LRRTM4: variants seen among roughly 807,000 people sequenced by gnomAD.
The protein encoded by LRRTM4 is leucine-rich repeat transmembrane neuronal protein 4.
LRRTM4 carries 25 observed loss-of-function variants against 47.6 expected under a neutral mutation model. That is an observed-to-expected ratio of 0.53 (90% CI 0.38 to 0.73). The LOEUF is 0.73. Among genes scored for constraint, LRRTM4 ranks in the 30% least tolerant of loss-of-function variants. The pLI is 0.00. For synonymous variants in LRRTM4, 311 were observed against 269.5 expected, an observed-to-expected ratio of 1.15 and a Z score of -1.51; for missense variants, 638 against 713.4, an observed-to-expected ratio of 0.89 and a Z score of 1.20.
intron 3 of LRRTM4, among the ~76,000 whole-genome samples, chr2:77,339,636 G>A (rs1253554118): frequency 2.6e-5 from 4 of 152,030 alleles, no homozygotes; most frequent in African/African-American, 9.7e-5. Context: ...ATAATTTCCA[G>A]AGTCTTAGTC....
At chr2:76,964,236 G>C (rs1675950896) in intron 3 of LRRTM4, among the ~76,000 whole-genome samples, 1 of 150,230 alleles carries the variant, frequency 6.7e-6, no homozygotes, top group African/African-American at 2.4e-5. Context: ...GGAGAATACT[G>C]TTAACATTTT....
chr2:76,772,927 C>T (rs559651751), intron 3 of LRRTM4: 1 of 152,220 alleles, frequency 6.6e-6, no homozygotes, highest in East Asian at 1.9e-4. Context: ...CCATATCACC[C>T]TGTATGCGCC....
intron 3 of LRRTM4, among the ~76,000 whole-genome samples, chr2:77,129,122 T>A (rs1486824685): frequency 6.6e-6 from 1 of 152,176 alleles, no homozygotes; most frequent in African/African-American, 2.4e-5. Context: ...TCCAGGCAAA[T>A]CTTTATATGA....
intron 3 of LRRTM4, among the ~76,000 whole-genome samples, chr2:76,774,286 G>A (rs111299162): frequency 9.2e-5 from 14 of 151,824 alleles, no homozygotes; most frequent in African/African-American, 2.7e-4. Context: ...CTGACTCCCC[G>A]GTTCAAGCAA....
intron 3 of LRRTM4, among the ~76,000 whole-genome samples, chr2:77,241,373 T>C (rs1011363695): frequency 5.3e-5 from 8 of 152,034 alleles, no homozygotes; most frequent in Non-Finnish European, 1.5e-5. Flanking sequence ...GTGTGCAAAA[T>C]ATCTCAATGC....
chr2:76,822,439 T>TTTTCGCTAGAATATTTTCATTTACTTATC (rs1671079367), intron 3 of LRRTM4, among the ~76,000 whole-genome samples: 1 of 151,500 alleles, frequency 6.6e-6, no homozygotes, highest in Non-Finnish European at 1.5e-5. Flanking sequence ...AAAATTTGTG[T>TTTTCGCTAGAATATTTTCATTTACTTATC]TTCCTAAAGA....
At chr2:76,933,538 T>A (rs1674842833) in intron 3 of LRRTM4, among the ~76,000 whole-genome samples, 1 of 152,136 alleles carries the variant, frequency 6.6e-6, no homozygotes, top group South Asian at 2.1e-4. Flanking sequence ...TAGAATTGTT[T>A]ACTAAAGTTA....
At chr2:76,960,401 TA>T (rs1675816858) in intron 3 of LRRTM4, among the ~76,000 whole-genome samples, 1 of 151,688 alleles carries the variant, frequency 6.6e-6, no homozygotes, top group Admixed American at 6.6e-5. Context: ...TAATTATTAC[TA>T]AAAAGACACA....
chr2:76,801,452 G>C (rs184739911), intron 3 of LRRTM4, among the ~76,000 whole-genome samples: 4 of 152,110 alleles, frequency 2.6e-5, no homozygotes, highest in African/African-American at 9.6e-5. Context: ...CTCATAGGTG[G>C]GAATTGAACA....
At chr2:77,211,433 A>G (rs1369834953) in intron 3 of LRRTM4, among the ~76,000 whole-genome samples, 3 of 152,258 alleles carry the variant, frequency 2.0e-5, no homozygotes, top group African/African-American at 7.2e-5. Flanking sequence ...GCTGGGTGAG[A>G]GAACAGAGAA....
intron 3 of LRRTM4, among the ~76,000 whole-genome samples, chr2:77,217,475 C>G (rs755104895): frequency 1.6e-3 from 55 of 33,960 alleles, no homozygotes; most frequent in Non-Finnish European, 2.5e-3. Context: ...ATATACTAAG[C>G]CTTTAATTTA....
chr2:76,992,574 A>G (rs1558783543), intron 3 of LRRTM4, among the ~76,000 whole-genome samples: 1 of 151,488 alleles, frequency 6.6e-6, no homozygotes, highest in African/African-American at 2.4e-5. Flanking sequence ...CCAAGCAGGT[A>G]AAAGATCTGC....
intron 3 of LRRTM4, among the ~76,000 whole-genome samples, chr2:76,757,516 G>A (rs891486792): frequency 6.6e-6 from 1 of 152,098 alleles, no homozygotes; most frequent in African/African-American, 2.4e-5. Context: ...GCAGTATTCA[G>A]TGAGGTTTTA....
At chr2:77,066,258 T>C (rs1679948748) in intron 3 of LRRTM4, among the ~76,000 whole-genome samples, 1 of 152,182 alleles carries the variant, frequency 6.6e-6, no homozygotes, top group Non-Finnish European at 1.5e-5. Flanking sequence ...TCTCAGTTCT[T>C]CATCTATAAA....
intron 3 of LRRTM4, among the ~76,000 whole-genome samples, chr2:76,765,610 A>G (rs1389784466): frequency 6.6e-6 from 1 of 152,184 alleles, no homozygotes; most frequent in Non-Finnish European, 1.5e-5. Context: ...CCCCATGTGT[A>G]CAAAGGAGAG....
chr2:77,080,703 C>T (rs552382725), intron 3 of LRRTM4, among the ~76,000 whole-genome samples: 44 of 152,288 alleles, frequency 2.9e-4, no homozygotes, highest in Middle Eastern at 3.4e-3. Context: ...GGTAGCTCCA[C>T]CTTTATTTTA....
intron 3 of LRRTM4, among the ~76,000 whole-genome samples, chr2:77,066,972 G>C (rs1364546743): frequency 1.3e-5 from 2 of 152,128 alleles, no homozygotes; most frequent in South Asian, 2.1e-4. Context: ...ATTCCCCATG[G>C]GGGAAGTGCC....
At chr2:76,943,012 T>C (rs1464269449) in intron 3 of LRRTM4, among the ~76,000 whole-genome samples, 1 of 152,146 alleles carries the variant, frequency 6.6e-6, no homozygotes, top group African/African-American at 2.4e-5. Flanking sequence ...AAGAGCAACA[T>C]GATTTTGAGA....
At chr2:76,974,784 G>A (rs565350199) in intron 3 of LRRTM4, among the ~76,000 whole-genome samples, 43 of 151,654 alleles carry the variant, frequency 2.8e-4, no homozygotes, top group Admixed American at 4.6e-4. Flanking sequence ...AGTCAACAAT[G>A]TACTACAAAA....
Sources: gnomAD v4.1 joint callset for allele counts (sites outside exome capture counted in the v4.1 genomes callset) on GRCh38, gnomAD v4.1.1 for gene constraint, MANE v1.5 for transcripts, NCBI Gene and HGNC (gene_info 2026-07-23, HGNC 2026-07-21) for gene names.